Variants in AK7 observed in about 807,000 individuals in gnomAD.
AK7 encodes ATP-AMP transphosphorylase 7.
In AK7, 78 loss-of-function variants were observed where a neutral mutation model predicts 96.6. That is an observed-to-expected ratio of 0.81 (90% CI 0.67 to 0.97). The LOEUF (loss-of-function observed/expected upper bound fraction) is 0.97. Among genes scored for constraint, AK7 ranks in the 50% least tolerant of loss-of-function variants. The pLI is 0.00. For missense variants in AK7, 855 were observed against 887.9 expected, an observed-to-expected ratio of 0.96 and a Z score of 0.47; for synonymous variants, 302 against 317.2, an observed-to-expected ratio of 0.95 and a Z score of 0.51.
chr14:96,427,503 G>A (rs576602986), intron 5 of AK7, among the ~76,000 whole-genome samples: 116 of 152,312 alleles, frequency 7.6e-4, no homozygotes, highest in African/African-American at 2.7e-3. Context: ...GGCTCCATGA[G>A]CCAATCACTT....
intron 4 of AK7, among the ~76,000 whole-genome samples, chr14:96,414,014 A>C (rs1274731073): frequency 6.6e-6 from 1 of 152,224 alleles, no homozygotes; most frequent in Non-Finnish European, 1.5e-5. Context: ...GTGGGCATGC[A>C]ATCCAATTTT....
chr14:96,479,916 T>G (rs539659498), intron 15 of AK7, among the ~76,000 whole-genome samples: 1 of 151,246 alleles, frequency 6.6e-6, no homozygotes, highest in South Asian at 2.1e-4. Context: ...TCGGGAGGCT[T>G]AGTGCTAAGG....
Position 96,483,128 on chromosome 14 carries a change from A to T in AK7, c.1883A>T (p.Glu628Val), listed in dbSNP as rs752245632. 15 of 1,614,014 alleles carry T rather than the reference A, an allele frequency of 9.3e-6. No individual in the cohort carries two copies. The highest frequency in any genetic ancestry group is 4.5e-5 in the East Asian group (2 of 44,880). ...KAEEERKAAE[E>V]RLAREAAEEA... ...GAAGAGGAGCGGAAGGCTGCGGAGG[A>T]GCGGCTGGCCAGGGAGGCTGCTGAG... The change falls in exon 16 of 18, where the codon GAG becomes GTG. Residue 628 changes from glutamate (E) to valine (V), a missense_variant. Coordinates refer to ENST00000267584, the MANE Select transcript of AK7 (RefSeq NM_152327.5).
chr14:96,473,328 G>A (rs1895002373), intron 14 of AK7, among the ~76,000 whole-genome samples: 1 of 151,582 alleles, frequency 6.6e-6, no homozygotes, highest in Non-Finnish European at 1.5e-5. Context: ...CTACCACCAT[G>A]ACTGGCTAAT....
At chr14:96,396,084 T>C (rs1032148941) in intron 1 of AK7, among the ~76,000 whole-genome samples, 2 of 152,136 alleles carry the variant, frequency 1.3e-5, no homozygotes, top group African/African-American at 2.4e-5. Flanking sequence ...ATCTTGATTA[T>C]TTTTTATAAC....
intron 12 of AK7, among the ~76,000 whole-genome samples, chr14:96,469,135 C>T (rs1425103959): frequency 6.6e-6 from 1 of 152,090 alleles, no homozygotes; most frequent in Non-Finnish European, 1.5e-5. Context: ...AAGCTCAGGG[C>T]CTGAAATAAA....
chr14:96,393,567 T>C (rs998576709), intron 1 of AK7, among the ~76,000 whole-genome samples: 6 of 152,188 alleles, frequency 3.9e-5, no homozygotes, highest in Admixed American at 2.0e-4. Flanking sequence ...CCCTTGGCAG[T>C]AGACTCCAAT....
At chr14:96,461,616 G>A (rs1218959527) in intron 12 of AK7, among the ~76,000 whole-genome samples, 1 of 152,120 alleles carries the variant, frequency 6.6e-6, no homozygotes, top group East Asian at 1.9e-4. Flanking sequence ...TTTTGAGAAT[G>A]AGTCTCACTC....
chr14:96,465,444 C>A (rs1414662909), intron 12 of AK7, among the ~76,000 whole-genome samples: 1 of 149,116 alleles, frequency 6.7e-6, no homozygotes, highest in African/African-American at 2.5e-5. Context: ...GCCTGGGCGA[C>A]AGAGCGAAGA....
chr14:96,407,707 A>G (rs1256122179), intron 3 of AK7, among the ~76,000 whole-genome samples: 2 of 149,166 alleles, frequency 1.3e-5, no homozygotes, highest in Non-Finnish European at 3.0e-5. Context: ...TCAGCCTCCC[A>G]AGTAGCTGGG....
chr14:96,432,313 A>T (rs917337408), intron 5 of AK7, among the ~76,000 whole-genome samples: 4 of 150,536 alleles, frequency 2.7e-5, no homozygotes, highest in African/African-American at 9.8e-5. Context: ...TGAATACAGC[A>T]CACTGATGGG....
At position 96,398,103 on chromosome 14, in the gene AK7, C is replaced by T. The variant is rs747828519; in HGVS notation, c.134C>T (p.Ser45Leu). 8.1e-6 allele frequency: 13 copies of T among 1,613,880 alleles called. 1 individual carries two copies. The highest frequency in any genetic ancestry group is 2.2e-5 in the South Asian group (2 of 91,074). ...CTATCTAACTGTGTAGTTGGGGCTTCGCTTGAAGAAATTACAGAGGAAGAG... is the reference window on the plus strand; with the variant it reads ...CTATCTAACTGTGTAGTTGGGGCTTTGCTTGAAGAAATTACAGAGGAAGAG... ...KFLSNCVVGA[S>L]LEEITEEEEE... Residue 45 changes from serine (S) to leucine (L), a missense_variant, in exon 2 of 18, where the codon TCG becomes TTG. Transcript: ENST00000267584.
chr14:96,418,890 T>C (rs1397357152), intron 4 of AK7, among the ~76,000 whole-genome samples: 2 of 152,238 alleles, frequency 1.3e-5, no homozygotes, highest in African/African-American at 2.4e-5. Context: ...TCAAAAGCTT[T>C]GGATTGGTTA....
rs753338914 is a variant in AK7, at chr14:96,404,773, A to C, written c.311A>C (p.Asp104Ala). The change falls in exon 3 of 18, where the codon GAC (aspartate) becomes GCC (alanine). Residue 104 changes from aspartate (D) to alanine (A), a missense_variant. Physicochemically the swap from Asp to Ala is moderately radical, Grantham distance 126. Transcript: ENST00000267584. ...CTTTTTCAGGCCATCTCTCGAGAAGACCTTCTCATGCGCCTGCTGGAGTGT... is the reference window on the plus strand; with the variant it reads ...CTTTTTCAGGCCATCTCTCGAGAAGCCCTTCTCATGCGCCTGCTGGAGTGT... ...VETYSAISRE[D>A]LLMRLLECDV... 6.2e-7 allele frequency: 1 copy of C among 1,605,238 alleles called. No homozygotes were observed. The highest frequency in any genetic ancestry group is 8.5e-7 in the Non-Finnish European group (1 of 1,172,724).
intron 8 of AK7, among the ~76,000 whole-genome samples, chr14:96,447,389 A>G (rs1228023830): frequency 6.6e-6 from 1 of 152,138 alleles, no homozygotes; most frequent in Non-Finnish European, 1.5e-5. Context: ...ATCATAGCTC[A>G]CTGCACCCTT....
chr14:96,483,262 A>G lies in AK7; in HGVS notation c.1974+43A>G, dbSNP rs1382305827. On this transcript the variant is annotated intron_variant, in intron 16 of 17. Transcript: ENST00000267584. ...TTGTGAGTCTGTGTATCTGTGGAAC[A>G]GGGGTGCGGTGCCTGGCAAAGCCAT... is the stretch of plus-strand genomic sequence containing the variant. 2.6e-6 allele frequency: 4 copies of G among 1,548,708 alleles called. No homozygotes were observed. The Admixed American group carries it at 7.8e-5, about 30-fold the overall frequency.
intron 4 of AK7, among the ~76,000 whole-genome samples, chr14:96,409,839 A>C (rs1890934077): frequency 2.0e-5 from 3 of 152,188 alleles, no homozygotes; most frequent in Admixed American, 2.0e-4. Flanking sequence ...CTACCTTTCC[A>C]TTTCAGTGCT....
At chr14:96,475,708 A>G (rs577535363) in intron 14 of AK7, among the ~76,000 whole-genome samples, 50 of 152,254 alleles carry the variant, frequency 3.3e-4, no homozygotes, top group Non-Finnish European at 6.0e-4. Flanking sequence ...GTGGTGGCTC[A>G]CGCCTGCAAT....
intron 5 of AK7, among the ~76,000 whole-genome samples, chr14:96,425,453 G>A (rs60266525): frequency 0.33 from 48,829 of 148,424 alleles, 8,270 homozygotes; most frequent in Middle Eastern, 0.4. Context: ...TACCAAAATT[G>A]CTTTCATCTT....
Sources: allele counts gnomAD v4.1 joint callset (sites outside exome capture counted in the v4.1 genomes callset), GRCh38; gene constraint gnomAD v4.1.1; transcripts MANE v1.5; gene names NCBI Gene and HGNC (gene_info 2026-07-23, HGNC 2026-07-21).